MRPL1: variants seen among roughly 807,000 people sequenced by gnomAD.
MRPL1 encodes the protein large ribosomal subunit protein uL1m.
MRPL1 carries 28 observed loss-of-function variants against 38.0 expected under a neutral mutation model. The ratio of observed to expected loss-of-function variants is 0.74; its 90% CI spans 0.55 to 1.01. The LOEUF (loss-of-function observed/expected upper bound fraction) is 1.01, where lower values mean the gene tolerates loss of function less well. Among genes scored for constraint, MRPL1 ranks in the 50% least tolerant of loss-of-function variants. MRPL1 has a pLI of 0.00. For missense variants in MRPL1, 358 were observed against 389.8 expected (o/e 0.92, Z 0.69); for synonymous variants, 123 against 126.7 (o/e 0.97, Z 0.20).
intron 2 of MRPL1, among the ~76,000 whole-genome samples, chr4:77,875,612 A>T (rs1224638712): frequency 6.6e-6 from 1 of 151,988 alleles, no homozygotes; most frequent in East Asian, 1.9e-4. Flanking sequence ...AGATCGCGCC[A>T]CTGCCCTCCA....
intron 6 of MRPL1, among the ~76,000 whole-genome samples, chr4:77,908,171 GTTTT>G (rs542674089): frequency 6.8e-6 from 1 of 146,428 alleles, no homozygotes; most frequent in Non-Finnish European, 1.5e-5. Context: ...CTGCTTTTTA[GTTTT>G]TTTTTTCTTT....
At chr4:77,877,179 C>T (rs1735415354) in intron 2 of MRPL1, among the ~76,000 whole-genome samples, 3 of 152,172 alleles carry the variant, frequency 2.0e-5, no homozygotes, top group Admixed American at 1.3e-4. Flanking sequence ...GGATTACAGG[C>T]GTTAGCCACC....
chr4:77,933,262 T>C (rs2110260647), intron 7 of MRPL1, among the ~76,000 whole-genome samples: 1 of 152,262 alleles, frequency 6.6e-6, no homozygotes. Context: ...GTCTTTATGT[T>C]TAGAGGAGCT....
intron 7 of MRPL1, among the ~76,000 whole-genome samples, chr4:77,943,658 C>CTA (rs1737186126): frequency 6.6e-6 from 1 of 152,016 alleles, no homozygotes; most frequent in Non-Finnish European, 1.5e-5. Flanking sequence ...TTGTTCGATT[C>CTA]TATTACTGAG....
chr4:77,871,148 G>A (rs1735270209), intron 1 of MRPL1, among the ~76,000 whole-genome samples: 1 of 152,126 alleles, frequency 6.6e-6, no homozygotes, highest in Non-Finnish European at 1.5e-5. Flanking sequence ...TTGAACCCAG[G>A]AGTTCAAGGT....
chr4:77,874,402 C>A (rs1223524191), intron 2 of MRPL1, among the ~76,000 whole-genome samples: 1 of 152,084 alleles, frequency 6.6e-6, no homozygotes, highest in African/African-American at 2.4e-5. Context: ...GTAACTATTC[C>A]CCTATTGAGG....
intron 3 of MRPL1, among the ~76,000 whole-genome samples, chr4:77,884,692 A>G (rs1398129553): frequency 6.6e-6 from 1 of 152,224 alleles, no homozygotes; most frequent in Non-Finnish European, 1.5e-5. Context: ...AGGGTTTACA[A>G]TTCCTGATAG....
chr4:77,910,738 T>C (rs1736268729), intron 7 of MRPL1, among the ~76,000 whole-genome samples: 1 of 152,140 alleles, frequency 6.6e-6, no homozygotes, highest in African/African-American at 2.4e-5. Context: ...TCTCAGCTAG[T>C]TTTATGGTCA....
chr4:77,946,092 T>C (rs1328534334), intron 7 of MRPL1, among the ~76,000 whole-genome samples: 1 of 152,096 alleles, frequency 6.6e-6, no homozygotes, highest in Non-Finnish European at 1.5e-5. Flanking sequence ...CGTATTTCAG[T>C]CCTTATCTCA....
chr4:77,905,995 A>G (rs924806034), intron 6 of MRPL1, among the ~76,000 whole-genome samples: 1 of 152,176 alleles, frequency 6.6e-6, no homozygotes, highest in Non-Finnish European at 1.5e-5. Flanking sequence ...TTGGGGCTGG[A>G]GATAAGCATT....
At chr4:77,922,595 A>C (rs1320620874) in intron 7 of MRPL1, among the ~76,000 whole-genome samples, 2 of 152,208 alleles carry the variant, frequency 1.3e-5, no homozygotes, top group African/African-American at 4.8e-5. Context: ...GCTTGGACCT[A>C]TTCATTAACA....
chr4:77,886,949 C>T (rs1372095519), intron 4 of MRPL1, among the ~76,000 whole-genome samples: 4 of 151,774 alleles, frequency 2.6e-5, no homozygotes, highest in South Asian at 2.1e-4. Flanking sequence ...TGTGCCACCA[C>T]GTCCGGCCAA....
chr4:77,951,483 T>C (rs940730060), intron 8 of MRPL1, among the ~76,000 whole-genome samples: 1 of 152,240 alleles, frequency 6.6e-6, no homozygotes, highest in Non-Finnish European at 1.5e-5. Context: ...ATTCTAGAAA[T>C]GAAACTATCT....
chr4:77,894,078 T>A, intron 5 of MRPL1, 61 bp from the exon 6 acceptor site: 4 of 961,160 alleles, frequency 4.2e-6, no homozygotes. Context: ...ACATTGTACT[T>A]TTTCAGAACG....
At chr4:77,945,631 G>A (rs1376870320) in intron 7 of MRPL1, among the ~76,000 whole-genome samples, 1 of 151,688 alleles carries the variant, frequency 6.6e-6, no homozygotes, top group Non-Finnish European at 1.5e-5. Flanking sequence ...ATAAGTGTCG[G>A]CCGGCTGAGA....
intron 5 of MRPL1, among the ~76,000 whole-genome samples, chr4:77,891,989 G>T (rs1288980858): frequency 6.6e-6 from 1 of 152,150 alleles, no homozygotes; most frequent in Non-Finnish European, 1.5e-5. Flanking sequence ...AGGTATTCAG[G>T]TTATGAGGTA....
intron 6 of MRPL1, among the ~76,000 whole-genome samples, chr4:77,898,099 T>C (rs1207081263): frequency 6.6e-6 from 1 of 152,202 alleles, no homozygotes; most frequent in Non-Finnish European, 1.5e-5. Flanking sequence ...AGTAGTACTG[T>C]TTGCTTACTT....
At chr4:77,936,310 T>C (rs1736977272) in intron 7 of MRPL1, among the ~76,000 whole-genome samples, 1 of 152,140 alleles carries the variant, frequency 6.6e-6, no homozygotes, top group African/African-American at 2.4e-5. Flanking sequence ...TGTAGATATA[T>C]AATTATTTAT....
At chr4:77,936,418 A>G (rs1235268243) in intron 7 of MRPL1, among the ~76,000 whole-genome samples, 6 of 152,176 alleles carry the variant, frequency 3.9e-5, no homozygotes, top group African/African-American at 7.2e-5. Flanking sequence ...ACAAAACAAA[A>G]CAAAAAATGC....
Sources: allele counts gnomAD v4.1 joint callset (sites outside exome capture counted in the v4.1 genomes callset), GRCh38; gene constraint gnomAD v4.1.1; transcripts MANE v1.5; gene names NCBI Gene and HGNC (gene_info 2026-07-23, HGNC 2026-07-21).